The following RSRC1 variants were observed in gnomAD, a reference collection of about 807,000 sequenced individuals.
RSRC1 encodes the protein arginine and serine rich coiled-coil 1, also known as serine/Arginine-related protein 53.
A neutral mutation model predicts 49.1 loss-of-function variants in RSRC1; 39 were observed. The observed-to-expected ratio is 0.79, with a 90% confidence interval of 0.61 to 1.04. The LOEUF (loss-of-function observed/expected upper bound fraction) is 1.04, where lower values mean the gene tolerates loss of function less well. Among genes scored for constraint, RSRC1 ranks in the 50% least tolerant of loss-of-function variants. The pLI is 0.00. For missense variants in RSRC1, 388 were observed against 402.4 expected, an observed-to-expected ratio of 0.96 and a Z score of 0.31; for synonymous variants, 143 against 130.8, an observed-to-expected ratio of 1.09 and a Z score of -0.63.
chr3:158,176,576 G>A (rs1475578082), intron 3 of RSRC1, among the ~76,000 whole-genome samples: 6 of 152,130 alleles, frequency 3.9e-5, no homozygotes, highest in South Asian at 2.1e-4. Context: ...ATGGTGCTGG[G>A]AAAACTGGCT....
intron 4 of RSRC1, among the ~76,000 whole-genome samples, chr3:158,285,872 A>C (rs1726515396): frequency 6.6e-6 from 1 of 152,174 alleles, no homozygotes; most frequent in Non-Finnish European, 1.5e-5. Context: ...TTCCTAATTG[A>C]ATACTCTTTA....
chr3:158,186,387 C>G (rs1719932652), intron 3 of RSRC1, among the ~76,000 whole-genome samples: 1 of 151,878 alleles, frequency 6.6e-6, no homozygotes, highest in Non-Finnish European at 1.5e-5. Context: ...AATTGATTAC[C>G]TGTGAAGAAA....
At chr3:158,193,074 A>G (rs376633697) in intron 3 of RSRC1, among the ~76,000 whole-genome samples, 75 of 152,186 alleles carry the variant, frequency 4.9e-4, no homozygotes, top group African/African-American at 1.6e-3. Context: ...TCCTTCTCCC[A>G]AATAACTTGT....
chr3:158,419,894 A>G (rs183074357), intron 6 of RSRC1, among the ~76,000 whole-genome samples: 4 of 151,782 alleles, frequency 2.6e-5, no homozygotes, highest in African/African-American at 9.7e-5. Flanking sequence ...GTCTTACTGT[A>G]ACTTTTCCTA....
chr3:158,138,691 T>C (rs1716554882), intron 3 of RSRC1, among the ~76,000 whole-genome samples: 1 of 152,242 alleles, frequency 6.6e-6, no homozygotes, highest in African/African-American at 2.4e-5. Context: ...TCCATCATTG[T>C]GTTATAACAA....
At chr3:158,441,688 G>A (rs953550484) in intron 6 of RSRC1, among the ~76,000 whole-genome samples, 2 of 152,188 alleles carry the variant, frequency 1.3e-5, no homozygotes, top group Non-Finnish European at 2.9e-5. Context: ...TCAGAATACA[G>A]CAATACAGTA....
chr3:158,153,379 C>T (rs1322436326), intron 3 of RSRC1, among the ~76,000 whole-genome samples: 2 of 152,124 alleles, frequency 1.3e-5, no homozygotes, highest in Non-Finnish European at 2.9e-5. Context: ...TTTTCTTGAA[C>T]TATTTTAAAA....
intron 6 of RSRC1, among the ~76,000 whole-genome samples, chr3:158,398,714 T>C (rs892600894): frequency 8.5e-5 from 13 of 152,160 alleles, no homozygotes; most frequent in African/African-American, 3.1e-4. Flanking sequence ...ATAGTAGCTA[T>C]CCCTTCTTCC....
At chr3:158,318,014 G>A (rs570473168) in intron 5 of RSRC1, among the ~76,000 whole-genome samples, 1 of 135,496 alleles carries the variant, frequency 7.4e-6, no homozygotes, top group South Asian at 2.6e-4. Flanking sequence ...ACATTATGAA[G>A]TTTTGTGTGT....
chr3:158,511,131 G>T (rs1253404743), intron 7 of RSRC1, among the ~76,000 whole-genome samples: 1 of 151,500 alleles, frequency 6.6e-6, no homozygotes, highest in Admixed American at 6.6e-5. Flanking sequence ...TATACCTTAA[G>T]TTCTAGGGTA....
intron 6 of RSRC1, among the ~76,000 whole-genome samples, chr3:158,389,870 T>G (rs1733172072): frequency 1.3e-5 from 2 of 152,210 alleles, no homozygotes; most frequent in Admixed American, 1.3e-4. Context: ...ACTTGCCTTT[T>G]TCAGTCTCCT....
At position 158,146,178 on chromosome 3, in the gene RSRC1, G is replaced by A. The variant is rs563743845; in HGVS notation, c.320+22187G>A. On this transcript the variant is annotated intron_variant, in intron 3 of 9. Transcript: ENST00000611884. ...TTCCAACACTATGTTGAATAGGAGT[G>A]GTGAGAGAGGGCCTCCCTGTCTTGT... is the stretch of plus-strand genomic sequence containing the variant. 2.2e-4 allele frequency among the ~76,000 whole-genome samples: 33 copies of A among 152,286 alleles called. No individual in the cohort carries two copies. The South Asian group carries it at 6.4e-3, about 30-fold the overall frequency.
At chr3:158,308,169 AT>A (rs1727941793) in intron 5 of RSRC1, among the ~76,000 whole-genome samples, 1 of 151,996 alleles carries the variant, frequency 6.6e-6, no homozygotes, top group African/African-American at 2.4e-5. Flanking sequence ...AGTAAATAAA[AT>A]TGTAAAAAAT....
intron 6 of RSRC1, among the ~76,000 whole-genome samples, chr3:158,390,855 A>G (rs1184109335): frequency 3.3e-5 from 5 of 152,204 alleles, no homozygotes; most frequent in Non-Finnish European, 7.4e-5. Context: ...ATTTGAAAGG[A>G]TAAATGCAGA....
intron 7 of RSRC1, among the ~76,000 whole-genome samples, chr3:158,484,278 T>C (rs1257505072): frequency 1.3e-5 from 2 of 152,112 alleles, no homozygotes; most frequent in Non-Finnish European, 2.9e-5. Context: ...TTTAATTTGC[T>C]CCATTTATAT....
chr3:158,372,849 T>C (rs1440029599), intron 6 of RSRC1, among the ~76,000 whole-genome samples: 5 of 151,912 alleles, frequency 3.3e-5, no homozygotes, highest in Non-Finnish European at 7.4e-5. Flanking sequence ...GCTTTCCATT[T>C]ATTCTGTTTT....
chr3:158,394,465 A>T (rs1319962392), intron 6 of RSRC1, among the ~76,000 whole-genome samples: 1 of 151,970 alleles, frequency 6.6e-6, no homozygotes, highest in Non-Finnish European at 1.5e-5. Flanking sequence ...AGTCATTTGA[A>T]TTTCCAGAAT....
At chr3:158,233,765 C>G (rs560088698) in intron 4 of RSRC1, among the ~76,000 whole-genome samples, 1 of 152,206 alleles carries the variant, frequency 6.6e-6, no homozygotes, top group Admixed American at 6.5e-5. Flanking sequence ...ACATAATTCC[C>G]CAACATCACC....
At chr3:158,187,778 A>G (rs1720011942) in intron 3 of RSRC1, among the ~76,000 whole-genome samples, 1 of 151,986 alleles carries the variant, frequency 6.6e-6, no homozygotes, top group Non-Finnish European at 1.5e-5. Context: ...CAGAATGTTT[A>G]TATTTTCCCC....
Sources: gnomAD v4.1 joint callset for allele counts (sites outside exome capture counted in the v4.1 genomes callset) on GRCh38, gnomAD v4.1.1 for gene constraint, MANE v1.5 for transcripts, NCBI Gene and HGNC (gene_info 2026-07-23, HGNC 2026-07-21) for gene names.